The following SERGEF variants were observed in gnomAD, a reference collection of about 807,000 sequenced individuals.
SERGEF encodes secretion regulating guanine nucleotide exchange factor.
SERGEF carries 51 observed loss-of-function variants against 50.0 expected under a neutral mutation model. The observed-to-expected ratio is 1.02, with a 90% CI of 0.81 to 1.29. The LOEUF is 1.29. Among genes scored for constraint, SERGEF ranks in the 50% most tolerant of loss-of-function variants. SERGEF has a pLI of 0.00. For synonymous variants in SERGEF, 205 were observed against 212.4 expected (o/e 0.97, Z 0.30); for missense variants, 521 against 557.0 (o/e 0.94, Z 0.65).
chr11:17,846,208 C>T (rs544760849), intron 10 of SERGEF, among the ~76,000 whole-genome samples: 2 of 152,304 alleles, frequency 1.3e-5, no homozygotes, highest in South Asian at 4.1e-4. Context: ...TCGTGCTGTG[C>T]ATAATGAATC....
At chr11:17,839,339 C>G (rs1210446771) in intron 10 of SERGEF, among the ~76,000 whole-genome samples, 1 of 152,158 alleles carries the variant, frequency 6.6e-6, no homozygotes, top group Non-Finnish European at 1.5e-5. Flanking sequence ...CAGAGACACA[C>G]TTTAGGATTT....
chr11:17,968,670 C>T (rs905955400), intron 8 of SERGEF, among the ~76,000 whole-genome samples: 1 of 150,510 alleles, frequency 6.6e-6, no homozygotes, highest in African/African-American at 2.5e-5. Context: ...TGCTACTGCA[C>T]TCCAGCCTGA....
chr11:17,818,945 A>T (rs1850026562), intron 10 of SERGEF, among the ~76,000 whole-genome samples: 1 of 152,116 alleles, frequency 6.6e-6, no homozygotes, highest in Non-Finnish European at 1.5e-5. Flanking sequence ...ACTCCTACTC[A>T]TCTTTGAAAG....
chr11:17,906,241 T>G (rs1173299196), intron 9 of SERGEF, among the ~76,000 whole-genome samples: 1 of 152,110 alleles, frequency 6.6e-6, no homozygotes, highest in East Asian at 1.9e-4. Flanking sequence ...TTACCAACCC[T>G]TTCCTCATTA....
chr11:17,966,378 G>C (rs1853124833), intron 8 of SERGEF, among the ~76,000 whole-genome samples: 1 of 152,154 alleles, frequency 6.6e-6, no homozygotes, highest in African/African-American at 2.4e-5. Context: ...TTCTCTTCTA[G>C]GCTGCATGGC....
intron 9 of SERGEF, among the ~76,000 whole-genome samples, chr11:17,927,919 G>A (rs957945636): frequency 6.6e-6 from 1 of 152,208 alleles, no homozygotes; most frequent in Non-Finnish European, 1.5e-5. Context: ...GTCTGTCACA[G>A]GACTTTACTG....
In SERGEF at chr11:17,963,380, A is replaced by G. The variant is rs867923681; in HGVS notation, c.845-3744T>C. Among the ~76,000 whole-genome samples the G allele has an allele frequency of 4.4e-3, 648 of 148,544 alleles. 9 individuals are homozygous for G. Among genetic ancestry groups the G allele is most frequent in the African/African-American group, 0.015 (599 of 40,256 alleles). ...TACTATTAGTAAAAAAAAAAAAAAA[A>G]AAAAAAAAAAAAAAATTTTTTTTTT... On this transcript the variant is annotated intron_variant, in intron 8 of 10. Transcript: ENST00000265965.
At chr11:17,798,887 G>A (rs1210756709) in intron 10 of SERGEF, among the ~76,000 whole-genome samples, 1 of 152,208 alleles carries the variant, frequency 6.6e-6, no homozygotes, top group Non-Finnish European at 1.5e-5. Flanking sequence ...GCTGGGAGAG[G>A]TCCAGAAGCA....
At chr11:17,924,919 C>T (rs961147877) in intron 9 of SERGEF, among the ~76,000 whole-genome samples, 6 of 152,130 alleles carry the variant, frequency 3.9e-5, no homozygotes, top group African/African-American at 9.7e-5. Flanking sequence ...ACCGCATGAA[C>T]AGGCCCAGAG....
chr11:17,903,964 T>C (rs952575077), intron 9 of SERGEF, among the ~76,000 whole-genome samples: 1 of 152,256 alleles, frequency 6.6e-6, no homozygotes, highest in African/African-American at 2.4e-5. Context: ...CTTGGCCGTG[T>C]AGGCCTTGCA....
intron 9 of SERGEF, among the ~76,000 whole-genome samples, chr11:17,907,328 G>GA (rs1247410347): frequency 7.2e-5 from 11 of 152,166 alleles, no homozygotes; most frequent in Admixed American, 7.2e-4. Flanking sequence ...TGAGGGTGAT[G>GA]AACTGGATAA....
chr11:17,870,681 C>T (rs1351243283), intron 10 of SERGEF, among the ~76,000 whole-genome samples: 1 of 151,890 alleles, frequency 6.6e-6, no homozygotes, highest in African/African-American at 2.4e-5. Context: ...ATGAAAAACT[C>T]CTCATAAAAG....
At chr11:17,867,680 A>T (rs1017777578) in intron 10 of SERGEF, among the ~76,000 whole-genome samples, 2 of 152,176 alleles carry the variant, frequency 1.3e-5, no homozygotes, top group Non-Finnish European at 2.9e-5. Flanking sequence ...GCTCTAGCAG[A>T]AGTTCTCCAT....
chr11:17,985,567 G>A (rs1853577544), intron 8 of SERGEF, among the ~76,000 whole-genome samples: 1 of 152,188 alleles, frequency 6.6e-6, no homozygotes, highest in Admixed American at 6.6e-5. Context: ...TAAGCAGCTT[G>A]GGAAAGGTTT....
intron 9 of SERGEF, among the ~76,000 whole-genome samples, chr11:17,923,823 C>T (rs909386164): frequency 6.6e-6 from 1 of 152,208 alleles, no homozygotes; most frequent in Non-Finnish European, 1.5e-5. Context: ...CATCATTGCA[C>T]TCAGCATCCT....
intron 9 of SERGEF, among the ~76,000 whole-genome samples, chr11:17,896,422 T>A (rs1851621272): frequency 6.6e-6 from 1 of 151,960 alleles, no homozygotes; most frequent in Non-Finnish European, 1.5e-5. Flanking sequence ...ATAGCTGCAA[T>A]TTAAATCAAA....
chr11:17,910,373 C>T (rs471465), intron 9 of SERGEF, among the ~76,000 whole-genome samples: 70,918 of 151,914 alleles, frequency 0.47, 16,748 homozygotes, highest in African/African-American at 0.52. Context: ...CTCAACCTCC[C>T]GAGTAGTTAG....
intron 10 of SERGEF, among the ~76,000 whole-genome samples, chr11:17,803,216 T>C (rs935095929): frequency 3.3e-5 from 5 of 152,230 alleles, no homozygotes; most frequent in African/African-American, 9.6e-5. Flanking sequence ...GCCTCAGTTA[T>C]GGAGGAAGGG....
chr11:17,795,873 G>A (rs1259725299), intron 10 of SERGEF, among the ~76,000 whole-genome samples: 1 of 152,196 alleles, frequency 6.6e-6, no homozygotes, highest in Non-Finnish European at 1.5e-5. Flanking sequence ...GGACAGTGGT[G>A]TTTACTGTAG....
Sources: allele counts gnomAD v4.1 joint callset (sites outside exome capture counted in the v4.1 genomes callset), GRCh38; gene constraint gnomAD v4.1.1; transcripts MANE v1.5; gene names NCBI Gene and HGNC (gene_info 2026-07-23, HGNC 2026-07-21).